Variants in ASTN1 observed in about 807,000 individuals in gnomAD.
The protein encoded by ASTN1 is astrotactin 1, also known as astrotactin-1.
In ASTN1, 41 loss-of-function variants were observed where a neutral mutation model predicts 140.7. The observed-to-expected ratio is 0.29, with a 90% confidence interval of 0.23 to 0.38. ASTN1 has a LOEUF of 0.38. ASTN1 is among the 10% of genes least tolerant of loss of function. The pLI is 1.00. For synonymous variants in ASTN1, 640 were observed against 652.2 expected, an observed-to-expected ratio of 0.98 and a Z score of 0.29; for missense variants, 1,479 against 1,678.8, an observed-to-expected ratio of 0.88 and a Z score of 2.08.
intron 11 of ASTN1, among the ~76,000 whole-genome samples, chr1:176,953,954 T>C (rs1410896471): frequency 2.0e-5 from 3 of 152,206 alleles, no homozygotes; most frequent in Non-Finnish European, 4.4e-5. Flanking sequence ...TCTTTTTCAT[T>C]GCATTAGAAA....
chr1:177,012,954 T>A (rs1490584925), intron 8 of ASTN1, among the ~76,000 whole-genome samples: 1 of 152,208 alleles, frequency 6.6e-6, no homozygotes, highest in African/African-American at 2.4e-5. Context: ...CCACCGCAAT[T>A]CTTAGCCATC....
intron 2 of ASTN1, among the ~76,000 whole-genome samples, chr1:177,038,834 C>T (rs1426527830): frequency 6.6e-6 from 1 of 152,034 alleles, no homozygotes; most frequent in African/African-American, 2.4e-5. Context: ...AAGATAAACA[C>T]AGGCATAAAA....
At chr1:176,978,349 G>T (rs1191415035) in intron 8 of ASTN1, among the ~76,000 whole-genome samples, 2 of 152,190 alleles carry the variant, frequency 1.3e-5, no homozygotes, top group Non-Finnish European at 2.9e-5. Flanking sequence ...GTGAAAGCAA[G>T]ATAAATGGGA....
At chr1:176,905,560 T>A (rs1669950508) in intron 16 of ASTN1, among the ~76,000 whole-genome samples, 1 of 152,164 alleles carries the variant, frequency 6.6e-6, no homozygotes, top group Non-Finnish European at 1.5e-5. Flanking sequence ...ATTAACTATA[T>A]CTGACAGAAC....
intron 14 of ASTN1, among the ~76,000 whole-genome samples, chr1:176,941,243 T>G (rs1054579645): frequency 6.6e-5 from 10 of 152,216 alleles, no homozygotes; most frequent in African/African-American, 2.4e-4. Context: ...ATCTCTTTAA[T>G]AGATTCCTCC....
chr1:176,997,273 T>G (rs1003587721), intron 8 of ASTN1, among the ~76,000 whole-genome samples: 3 of 152,178 alleles, frequency 2.0e-5, no homozygotes, highest in African/African-American at 7.2e-5. Context: ...GGGAGGATGT[T>G]AAGGCACAGA....
chr1:176,859,216 A>G (rs549323785), downstream of ASTN1, among the ~76,000 whole-genome samples: 5 of 152,256 alleles, frequency 3.3e-5, no homozygotes, highest in Admixed American at 2.6e-4. Flanking sequence ...CAGCTCTGGA[A>G]CAATTCTCTT....
At chr1:177,045,746 T>C (rs1196439255) in intron 2 of ASTN1, among the ~76,000 whole-genome samples, 2 of 152,214 alleles carry the variant, frequency 1.3e-5, no homozygotes, top group African/African-American at 4.8e-5. Context: ...CAGATTTTTT[T>C]TCTAGTAAAA....
intron 10 of ASTN1, 105 bp downstream of exon 10, chr1:176,958,240 C>T: frequency 4.5e-6 from 7 of 1,560,212 alleles, no homozygotes; most frequent in Non-Finnish European, 6.1e-6. Flanking sequence ...CCAATTTTTC[C>T]TTTTAGCTTG....
intron 1 of ASTN1, among the ~76,000 whole-genome samples, chr1:177,131,181 C>CATGG (rs1681921713): frequency 6.6e-6 from 1 of 152,058 alleles, no homozygotes; most frequent in Non-Finnish European, 1.5e-5. Flanking sequence ...TTAATACAAC[C>CATGG]CTTCTGGAAA....
intron 17 of ASTN1, among the ~76,000 whole-genome samples, chr1:176,892,574 A>G (rs1299555152): frequency 6.6e-6 from 1 of 152,182 alleles, no homozygotes; most frequent in Admixed American, 6.5e-5. Flanking sequence ...TGGGTTTGAG[A>G]TACCTGGTTC....
chr1:177,098,689 T>G (rs1366899617), intron 1 of ASTN1, among the ~76,000 whole-genome samples: 1 of 152,150 alleles, frequency 6.6e-6, no homozygotes, highest in East Asian at 1.9e-4. Flanking sequence ...AAGTAAACAA[T>G]GATTTGAGAA....
intron 8 of ASTN1, among the ~76,000 whole-genome samples, chr1:176,971,379 A>G (rs980806980): frequency 6.6e-6 from 1 of 152,216 alleles, no homozygotes; most frequent in South Asian, 2.1e-4. Context: ...TCCCTAGATT[A>G]TCTGGTAAAC....
chr1:176,861,746 G>A lies in ASTN1; in HGVS notation c.*2538C>T, dbSNP rs1667969817. ...GGGGAGAACTCAACGAGAAACAGGAGGAAGAAAGTCTTGGGGAAAGAGGAG... is the reference window on the plus strand; with the variant it reads ...GGGGAGAACTCAACGAGAAACAGGAAGAAGAAAGTCTTGGGGAAAGAGGAG... On this transcript the variant is annotated 3_prime_UTR_variant, in exon 23 of 23. Coordinates refer to ENST00000361833, the MANE Select transcript of ASTN1 (RefSeq NM_004319.3). 1.0e-6 allele frequency: 1 copy of A among 985,378 alleles called. No homozygotes were observed. Among genetic ancestry groups the A allele is most frequent in the Non-Finnish European group, 1.2e-6 (1 of 829,988 alleles). The allele number at this position is 985,378 out of a possible 1,614,324, so 61.0% of individuals were successfully genotyped here. A position where few individuals can be genotyped will look rare whatever the true frequency, so the allele number is the denominator to read the frequency against.
chr1:176,932,268 A>C (rs1319969232), intron 16 of ASTN1, among the ~76,000 whole-genome samples: 1 of 152,218 alleles, frequency 6.6e-6, no homozygotes, highest in East Asian at 1.9e-4. Flanking sequence ...ATGTCACAGA[A>C]GGTATAGCCC....
rs118059680 is a variant in ASTN1 at position 176,882,514 on chromosome 1, T to C, written c.3362+345A>G. On this transcript the variant is annotated intron_variant, in intron 20 of 22. Coordinates refer to ENST00000361833, the MANE Select transcript of ASTN1 (RefSeq NM_004319.3). ...ACAGTTTAGATGACATCCACTCTAG[T>C]TAGAATTAATCACTTCTTTCTTCTC... Among the ~76,000 whole-genome samples the C allele has an allele frequency of 5.3e-5, 8 of 151,346 alleles. No homozygotes were observed. The East Asian group carries it at 1.2e-3, about 22-fold the overall frequency.
intron 1 of ASTN1, among the ~76,000 whole-genome samples, chr1:177,073,964 A>T (rs1678770186): frequency 6.6e-6 from 1 of 152,052 alleles, no homozygotes; most frequent in Non-Finnish European, 1.5e-5. Flanking sequence ...TCCTGGTTAA[A>T]AAAAAAAGTC....
intron 11 of ASTN1, among the ~76,000 whole-genome samples, chr1:176,951,667 A>G (rs1027004073): frequency 2.6e-5 from 4 of 152,202 alleles, no homozygotes; most frequent in African/African-American, 9.7e-5. Flanking sequence ...GCTTTGTTTC[A>G]GAATTCCAAA....
chr1:176,946,223 G>T, intron 12 of ASTN1, 103 bp from the exon 13 acceptor site: 2 of 1,083,390 alleles, frequency 1.8e-6, no homozygotes, highest in Non-Finnish European at 1.3e-6. Context: ...CAGCATGTTG[G>T]ATCACCAAAG....
Sources: gnomAD v4.1 joint callset for allele counts (sites outside exome capture counted in the v4.1 genomes callset) on GRCh38, gnomAD v4.1.1 for gene constraint, MANE v1.5 for transcripts, NCBI Gene and HGNC (gene_info 2026-07-23, HGNC 2026-07-21) for gene names.